Variants in DLGAP1 observed in about 807,000 individuals in gnomAD.
DLGAP1 encodes the protein DLG associated protein 1.
In DLGAP1, 11 loss-of-function variants were observed where a neutral mutation model predicts 90.8. The ratio of observed to expected loss-of-function variants is 0.12; its 90% CI spans 0.08 to 0.20. The LOEUF (loss-of-function observed/expected upper bound fraction) is 0.20. Ranked by LOEUF, DLGAP1 falls within the 10% of genes least tolerant of loss-of-function variation. DLGAP1 has a pLI of 1.00. For missense variants in DLGAP1, 1,050 were observed against 1,333.8 expected (o/e 0.79, Z 3.31); for synonymous variants, 558 against 540.7 (o/e 1.03, Z -0.44).
chr18:3,829,572 G>C (rs2067920423), intron 4 of DLGAP1, among the ~76,000 whole-genome samples: 1 of 152,120 alleles, frequency 6.6e-6, no homozygotes, highest in Non-Finnish European at 1.5e-5. Flanking sequence ...ATTTATTTTA[G>C]AGATGACTGT....
At chr18:4,243,868 CAT>C (rs772867070) in intron 1 of DLGAP1, among the ~76,000 whole-genome samples, 54 of 152,226 alleles carry the variant, frequency 3.5e-4, no homozygotes, top group Admixed American at 8.5e-4. Context: ...GTCAAAATGG[CAT>C]TTAAAAATTA....
At chr18:4,387,048 G>A (rs77763034) in intron 1 of DLGAP1, among the ~76,000 whole-genome samples, 11,488 of 152,160 alleles carry the variant, frequency 0.075, 523 homozygotes, top group African/African-American at 0.13. Context: ...TGGGGATGAT[G>A]CTGTTATTCT....
chr18:4,156,088 C>A (rs569160367), intron 1 of DLGAP1, among the ~76,000 whole-genome samples: 2 of 152,136 alleles, frequency 1.3e-5, no homozygotes, highest in African/African-American at 4.8e-5. Flanking sequence ...AGATTTCTGG[C>A]CTAAGCAACT....
intron 10 of DLGAP1, among the ~76,000 whole-genome samples, chr18:3,522,806 G>T (rs1416898028): frequency 6.6e-6 from 1 of 152,030 alleles, no homozygotes; most frequent in Admixed American, 6.6e-5. Flanking sequence ...GCCTTCCAAA[G>T]AGCTGGGATT....
At chr18:3,947,718 T>G (rs1599202704) in intron 3 of DLGAP1, among the ~76,000 whole-genome samples, 1 of 152,330 alleles carries the variant, frequency 6.6e-6, no homozygotes, top group East Asian at 1.9e-4. Flanking sequence ...AGAAAAGAAC[T>G]TGCCCTATAT....
At chr18:3,583,184 A>ACCTACCTACCTTCCTTCCTT (rs1555688608) in intron 7 of DLGAP1, among the ~76,000 whole-genome samples, 1 of 127,704 alleles carries the variant, frequency 7.8e-6, no homozygotes, top group African/African-American at 3.2e-5. Flanking sequence ...CTACCTACCT[A>ACCTACCTACCTTCCTTCCTT]CCTTCCTTCC....
intron 4 of DLGAP1, among the ~76,000 whole-genome samples, chr18:3,826,621 G>A (rs2067727983): frequency 6.6e-6 from 1 of 152,156 alleles, no homozygotes; most frequent in South Asian, 2.1e-4. Flanking sequence ...TGGAGTGAGA[G>A]GTGGCAGAAG....
At chr18:3,507,996 C>T (rs527696645) in intron 11 of DLGAP1, among the ~76,000 whole-genome samples, 1 of 152,296 alleles carries the variant, frequency 6.6e-6, no homozygotes, top group African/African-American at 2.4e-5. Flanking sequence ...CTTGGCCTCC[C>T]AAAGTGCTGG....
intron 4 of DLGAP1, among the ~76,000 whole-genome samples, chr18:3,835,519 C>T (rs972295089): frequency 5.9e-5 from 9 of 151,672 alleles, no homozygotes; most frequent in Admixed American, 6.6e-5. Flanking sequence ...CGTGGTGGCG[C>T]GCGACTGTAG....
chr18:4,099,296 CATCTATCTATCTATCT>C lies in DLGAP1; in HGVS notation c.-159+51868_-159+51883del, dbSNP rs35397168. Reference sequence around the variant, plus strand: ...TCTATCTATCTATCTATCTGTCTATCATCTATCTATCTATCTATCTATCTATCTATCTATCTATCTA... The same window carrying C: ...TCTATCTATCTATCTATCTGTCTATCATCTATCTATCTATCTATCTATCTA... On this transcript the variant is annotated intron_variant, in intron 2 of 12. Coordinates refer to ENST00000315677, the MANE Select transcript of DLGAP1 (RefSeq NM_004746.4). 3.8e-3 allele frequency among the ~76,000 whole-genome samples: 551 copies of C among 144,046 alleles called. 2 individuals carry two copies. The highest frequency in any genetic ancestry group is 0.018 in the Middle Eastern group (5 of 282). 94.5% of individuals were successfully genotyped at this position (144,046 alleles called of 152,430 possible).
intron 2 of DLGAP1, among the ~76,000 whole-genome samples, chr18:4,014,450 A>G (rs755768399): frequency 6.6e-6 from 1 of 152,214 alleles, no homozygotes; most frequent in Non-Finnish European, 1.5e-5. Context: ...ATGAAAGTAC[A>G]GTCAGATAAA....
intron 1 of DLGAP1, among the ~76,000 whole-genome samples, chr18:4,406,444 A>G (rs2082666378): frequency 6.6e-6 from 1 of 152,196 alleles, no homozygotes. Context: ...AAAGCCTTGC[A>G]GAGTTGTAAG....
At chr18:4,057,484 A>C (rs2075238307) in intron 2 of DLGAP1, among the ~76,000 whole-genome samples, 1 of 152,192 alleles carries the variant, frequency 6.6e-6, no homozygotes, top group African/African-American at 2.4e-5. Flanking sequence ...CGGAAGAATC[A>C]GGGGAGAAGG....
intron 5 of DLGAP1, among the ~76,000 whole-genome samples, chr18:3,755,898 T>A (rs775723237): frequency 5.9e-5 from 9 of 152,142 alleles, no homozygotes; most frequent in Non-Finnish European, 1.2e-4. Flanking sequence ...ATCTCTAGGG[T>A]AGACCACATA....
intron 11 of DLGAP1, 114 bp from the exon 12 acceptor site, chr18:3,502,759 G>A: frequency 8.4e-7 from 1 of 1,192,490 alleles, no homozygotes; most frequent in South Asian, 1.6e-5. Flanking sequence ...GTTCCTTTTG[G>A]TTTTCCGACA....
intron 2 of DLGAP1, among the ~76,000 whole-genome samples, chr18:4,086,919 T>C (rs1223736106): frequency 1.3e-5 from 2 of 151,414 alleles, no homozygotes; most frequent in African/African-American, 4.9e-5. Flanking sequence ...GTTCTATTAG[T>C]TTTTGCTTTA....
At chr18:4,195,381 G>A (rs1331285643) in intron 1 of DLGAP1, among the ~76,000 whole-genome samples, 2 of 152,162 alleles carry the variant, frequency 1.3e-5, no homozygotes, top group Non-Finnish European at 2.9e-5. Flanking sequence ...CATAAGTGGA[G>A]TAAGCTCCAG....
rs1031576357 is a variant in DLGAP1, at chr18:4,063,178, A to G, written c.-158-57977T>C. ...GATACAGAGTAGAACTTCTCTAATGAGAGGCGATAAATGGCTAGCATATAT... is the reference window on the plus strand; with the variant it reads ...GATACAGAGTAGAACTTCTCTAATGGGAGGCGATAAATGGCTAGCATATAT... On this transcript the variant is annotated intron_variant, in intron 2 of 12. Coordinates refer to ENST00000315677, the MANE Select transcript of DLGAP1 (RefSeq NM_004746.4). Among the ~76,000 whole-genome samples, 9 of 152,102 alleles carry G rather than the reference A, an allele frequency of 5.9e-5. No individual in the cohort carries two copies. In the East Asian group the frequency reaches 1.7e-3, roughly 29 times the overall value.
At chr18:3,876,075 T>C (rs1033436246) in intron 4 of DLGAP1, among the ~76,000 whole-genome samples, 1 of 151,988 alleles carries the variant, frequency 6.6e-6, no homozygotes, top group Admixed American at 6.6e-5. Flanking sequence ...CTCTCTGTTT[T>C]CCCAAATTTA....
Sources: allele counts gnomAD v4.1 joint callset (sites outside exome capture counted in the v4.1 genomes callset), GRCh38; gene constraint gnomAD v4.1.1; transcripts MANE v1.5; gene names NCBI Gene and HGNC (gene_info 2026-07-23, HGNC 2026-07-21).